The following FAM135B variants were observed in gnomAD, a reference collection of about 807,000 sequenced individuals.
FAM135B encodes family with sequence similarity 135 member B.
A neutral mutation model predicts 127.7 loss-of-function variants in FAM135B; 43 were observed. That is an observed-to-expected ratio of 0.34 (90% CI 0.26 to 0.43). FAM135B has a LOEUF of 0.43. Among genes scored for constraint, FAM135B ranks in the 20% least tolerant of loss-of-function variants. FAM135B has a pLI of 1.00. For synonymous variants in FAM135B, 670 were observed against 665.1 expected (o/e 1.01, Z -0.11); for missense variants, 1,558 against 1,725.6 (o/e 0.90, Z 1.72).
intron 19 of FAM135B, among the ~76,000 whole-genome samples, chr8:138,135,362 G>T (rs908352718): frequency 2.0e-5 from 3 of 152,122 alleles, no homozygotes; most frequent in African/African-American, 7.2e-5. Flanking sequence ...CTGAAAACCA[G>T]ATCATTGACT....
At chr8:138,425,171 G>A (rs1355644055) in intron 1 of FAM135B, among the ~76,000 whole-genome samples, 4 of 152,162 alleles carry the variant, frequency 2.6e-5, no homozygotes, top group Non-Finnish European at 4.4e-5. Context: ...TTGAGTGGGT[G>A]TTCACTTGTT....
chr8:138,267,680 C>G (rs1414453141), intron 3 of FAM135B, among the ~76,000 whole-genome samples: 1 of 152,028 alleles, frequency 6.6e-6, no homozygotes, highest in Non-Finnish European at 1.5e-5. Flanking sequence ...GGATCACAGT[C>G]ACCTCCCAAT....
intron 2 of FAM135B, among the ~76,000 whole-genome samples, chr8:138,331,537 G>T (rs1424047858): frequency 1.3e-5 from 2 of 152,122 alleles, no homozygotes; most frequent in Non-Finnish European, 2.9e-5. Flanking sequence ...TGGTGAGGCT[G>T]GGTTTAAAAC....
At chr8:138,333,902 C>G (rs894848008) in intron 2 of FAM135B, among the ~76,000 whole-genome samples, 2 of 152,200 alleles carry the variant, frequency 1.3e-5, no homozygotes, top group Non-Finnish European at 2.9e-5. Flanking sequence ...ACCTCCTGAT[C>G]CTGACCTCCA....
rs575964988 is a variant in FAM135B at position 138,171,263 on chromosome 8, C to G, written c.1104-3214G>C. Among the ~76,000 whole-genome samples, 2 of 152,284 alleles carry G rather than the reference C, an allele frequency of 1.3e-5. 1 individual carries two copies. The highest frequency in any genetic ancestry group is 4.8e-5 in the African/African-American group (2 of 41,560). ...AAACAGATCCTGGTAACAAAAATTA[C>G]CAGGTGCTAATTGACTGAAGCAAGT... On this transcript the variant is annotated intron_variant, in intron 11 of 19. Transcript: ENST00000395297.
chr8:138,302,082 T>C (rs1198839539), intron 3 of FAM135B, among the ~76,000 whole-genome samples: 1 of 152,194 alleles, frequency 6.6e-6, no homozygotes, highest in Non-Finnish European at 1.5e-5. Context: ...CATGTCGGAC[T>C]CCCTTTTCAG....
chr8:138,279,520 C>T (rs910884544), intron 3 of FAM135B, among the ~76,000 whole-genome samples: 1 of 152,228 alleles, frequency 6.6e-6, no homozygotes, highest in South Asian at 2.1e-4. Flanking sequence ...ATAAGCTGCA[C>T]AGGCTCTGAC....
chr8:138,350,562 A>G (rs1829714891), intron 2 of FAM135B, among the ~76,000 whole-genome samples: 1 of 152,100 alleles, frequency 6.6e-6, no homozygotes, highest in Non-Finnish European at 1.5e-5. Flanking sequence ...GCTGCTGTAA[A>G]AATCCCAAGA....
At chr8:138,325,659 C>T (rs11782223) in intron 2 of FAM135B, among the ~76,000 whole-genome samples, 29,552 of 152,064 alleles carry the variant, frequency 0.19, 2,926 homozygotes, top group South Asian at 0.32. Context: ...AAAATGTATG[C>T]CTTTTGTACA....
At chr8:138,376,576 C>A (rs950185493) in intron 1 of FAM135B, among the ~76,000 whole-genome samples, 3 of 152,200 alleles carry the variant, frequency 2.0e-5, no homozygotes, top group African/African-American at 7.2e-5. Flanking sequence ...CAACTTCTTA[C>A]TTCTCCAGGC....
intron 1 of FAM135B, among the ~76,000 whole-genome samples, chr8:138,492,880 C>T (rs1264836731): frequency 6.6e-6 from 1 of 152,184 alleles, no homozygotes; most frequent in African/African-American, 2.4e-5. Flanking sequence ...TGCCGATTTC[C>T]ATGCCTGATC....
At chr8:138,233,496 C>T (rs937871951) in intron 7 of FAM135B, among the ~76,000 whole-genome samples, 4 of 152,272 alleles carry the variant, frequency 2.6e-5, no homozygotes, top group South Asian at 2.1e-4. Flanking sequence ...CAATATCTTA[C>T]ACCATATACA....
intron 2 of FAM135B, among the ~76,000 whole-genome samples, chr8:138,334,191 G>A (rs1432165239): frequency 1.3e-5 from 2 of 152,106 alleles, no homozygotes; most frequent in Non-Finnish European, 2.9e-5. Context: ...CCAAAGTGCT[G>A]GGATTACAGG....
intron 13 of FAM135B, among the ~76,000 whole-genome samples, chr8:138,149,377 C>T (rs1336046062): frequency 6.6e-6 from 1 of 152,108 alleles, no homozygotes; most frequent in Non-Finnish European, 1.5e-5. Flanking sequence ...CCTTCCCCTG[C>T]TTCTCTAGCA....
chr8:138,226,182 T>TGTGTGTGTGTGTGTGTGTGCGCGCGCGC (rs1819421853), intron 7 of FAM135B, among the ~76,000 whole-genome samples: 1 of 118,408 alleles, frequency 8.4e-6, no homozygotes. Flanking sequence ...TGTGTGTGTG[T>TGTGTGTGTGTGTGTGTGTGCGCGCGCGC]GTGCGCGCAT....
chr8:138,320,691 AG>A (rs745862949), intron 2 of FAM135B, among the ~76,000 whole-genome samples: 1 of 152,230 alleles, frequency 6.6e-6, no homozygotes, highest in Non-Finnish European at 1.5e-5. Context: ...CCACTGAAGG[AG>A]ACAAGCCATG....
chr8:138,469,042 A>G (rs1335740900), intron 1 of FAM135B, among the ~76,000 whole-genome samples: 1 of 127,922 alleles, frequency 7.8e-6, no homozygotes, highest in Non-Finnish European at 1.8e-5. Flanking sequence ...AGATTCTGTC[A>G]AGAAAGAGAA....
chr8:138,457,291 A>T (rs1836841461), intron 1 of FAM135B, among the ~76,000 whole-genome samples: 1 of 152,168 alleles, frequency 6.6e-6, no homozygotes, highest in African/African-American at 2.4e-5. Flanking sequence ...GAGCCGTGGC[A>T]GAGACGGCTG....
chr8:138,167,771 T>G, intron 12 of FAM135B, 124 bp downstream of exon 12: 1 of 1,137,980 alleles, frequency 8.8e-7, no homozygotes, highest in Non-Finnish European at 1.2e-6. Context: ...TTCCTCTCTA[T>G]GAACTGACAT....
Sources: allele counts gnomAD v4.1 joint callset (sites outside exome capture counted in the v4.1 genomes callset), GRCh38; gene constraint gnomAD v4.1.1; transcripts MANE v1.5; gene names NCBI Gene and HGNC (gene_info 2026-07-23, HGNC 2026-07-21).